The following BAIAP2 variants were observed in gnomAD, a reference collection of about 807,000 sequenced individuals.
BAIAP2 encodes the protein BAR/IMD domain-containing adapter protein 2.
BAIAP2 carries 18 observed loss-of-function variants against 63.0 expected under a neutral mutation model. The observed-to-expected ratio is 0.29, with a 90% CI of 0.20 to 0.42. The LOEUF is 0.42. Ranked by LOEUF, BAIAP2 falls within the 10% of genes least tolerant of loss-of-function variation. BAIAP2 has a pLI of 1.00. For synonymous variants in BAIAP2, 386 were observed against 307.6 expected, an observed-to-expected ratio of 1.25 and a Z score of -2.67; for missense variants, 610 against 734.3, an observed-to-expected ratio of 0.83 and a Z score of 1.96.
At chr17:81,097,981 G>A (rs2057918653) in intron 6 of BAIAP2, 1 of 609,142 alleles carries the variant, frequency 1.6e-6, no homozygotes, top group East Asian at 3.5e-5. Context: ...TCGGGCTGGG[G>A]TTCTGGAATC....
intron 6 of BAIAP2, among the ~76,000 whole-genome samples, chr17:81,098,887 T>A (rs1029778175): frequency 5.9e-5 from 9 of 152,214 alleles, no homozygotes; most frequent in African/African-American, 2.2e-4. Flanking sequence ...TACCTGTCTT[T>A]CCTGTGCCCA....
chr17:81,099,798 G>A (rs2145796675), intron 6 of BAIAP2, 130 bp from the exon 7 acceptor site: 5 of 1,068,326 alleles, frequency 4.7e-6, no homozygotes, highest in Non-Finnish European at 5.3e-6. Flanking sequence ...GGCCGCAGAT[G>A]CTGTTTTGTT....
intron 13 of BAIAP2, among the ~76,000 whole-genome samples, chr17:81,112,100 T>C (rs1203605578): frequency 6.6e-6 from 1 of 152,234 alleles, no homozygotes; most frequent in Non-Finnish European, 1.5e-5. Context: ...GCCACCACCT[T>C]GCCTTCCGCC....
intron 3 of BAIAP2, among the ~76,000 whole-genome samples, chr17:81,067,891 AG>A (rs1462355105): frequency 1.3e-5 from 2 of 152,212 alleles, no homozygotes; most frequent in East Asian, 3.9e-4. Context: ...TACTGTCACC[AG>A]TGCTCCCTAG....
chr17:81,097,757 G>A (rs923127365), intron 6 of BAIAP2: 1 of 198,724 alleles, frequency 5.0e-6, no homozygotes, highest in Non-Finnish European at 1.0e-5. Flanking sequence ...TCCTGGCAGA[G>A]GAGAAGCTGG....
In BAIAP2 at chr17:81,116,217, TCTC is replaced by T. The variant is rs760665871; in HGVS notation, c.*381_*383del. On this transcript the variant is annotated 3_prime_UTR_variant, in exon 14 of 14. Coordinates refer to ENST00000428708, the MANE Select transcript of BAIAP2 (RefSeq NM_001144888.2). The stretch of plus-strand genomic sequence containing the variant: ...GCTTCTCCTGCCTAATAAACAGGCT[TCTC>T]CTGCACCAGGTGTGATCTGTCCGCC... 5.0e-6 allele frequency: 8 copies of T among 1,611,654 alleles called. No homozygotes were observed. The highest frequency in any genetic ancestry group is 1.7e-4 in the Middle Eastern group (1 of 6,056).
intron 11 of BAIAP2, 56 bp downstream of exon 11, chr17:81,106,202 A>G (rs1226928090): frequency 2.0e-6 from 3 of 1,511,558 alleles, no homozygotes; most frequent in Admixed American, 2.0e-5. Flanking sequence ...AGGGGCTGTG[A>G]TGACACCAGG....
intron 6 of BAIAP2, among the ~76,000 whole-genome samples, chr17:81,096,020 G>A (rs2057558417): frequency 6.6e-6 from 1 of 152,152 alleles, no homozygotes; most frequent in African/African-American, 2.4e-5. Context: ...AGGGGCCTTA[G>A]TTTGGAAGGT....
At chr17:81,070,234 C>T (rs558647923) in intron 3 of BAIAP2, among the ~76,000 whole-genome samples, 3 of 152,286 alleles carry the variant, frequency 2.0e-5, no homozygotes, top group East Asian at 3.9e-4. Context: ...GCTGGGATTA[C>T]AGGCGCGAGC....
chr17:81,075,509 G>A (rs2053510933), intron 3 of BAIAP2, among the ~76,000 whole-genome samples: 1 of 152,204 alleles, frequency 6.6e-6, no homozygotes, highest in South Asian at 2.1e-4. Context: ...CTTCAGGGAT[G>A]AGCAGTTAAT....
intron 1 of BAIAP2, among the ~76,000 whole-genome samples, chr17:81,039,547 T>C (rs1598476239): frequency 6.6e-6 from 1 of 152,190 alleles, no homozygotes; most frequent in East Asian, 1.9e-4. Context: ...AGCCTTGCCT[T>C]GAGCAAGTAT....
chr17:81,061,017 G>C (rs1172570474), intron 3 of BAIAP2, among the ~76,000 whole-genome samples: 1 of 152,198 alleles, frequency 6.6e-6, no homozygotes, highest in East Asian at 1.9e-4. Context: ...CCAGCTACTA[G>C]GGAGGCTGAG....
chr17:81,071,292 G>A (rs916957727), intron 3 of BAIAP2, among the ~76,000 whole-genome samples: 2 of 152,152 alleles, frequency 1.3e-5, no homozygotes, highest in Admixed American at 1.3e-4. Context: ...CTGGTCCCCT[G>A]GCCCCTGTGG....
intron 3 of BAIAP2, among the ~76,000 whole-genome samples, chr17:81,074,590 C>G (rs576950586): frequency 7.4e-6 from 1 of 135,412 alleles, no homozygotes; most frequent in Non-Finnish European, 1.6e-5. Context: ...TGTGTGAGTG[C>G]CTGTGTGTGC....
intron 3 of BAIAP2, among the ~76,000 whole-genome samples, chr17:81,080,764 C>T (rs1021864481): frequency 1.3e-5 from 2 of 152,144 alleles, no homozygotes; most frequent in African/African-American, 2.4e-5. Flanking sequence ...TGCCTTTGCT[C>T]CCAGCTACTT....
intron 3 of BAIAP2, chr17:81,076,294 G>C (rs773433392): frequency 6.6e-6 from 1 of 152,290 alleles, no homozygotes; most frequent in Non-Finnish European, 1.5e-5. Context: ...GGAGATGGCA[G>C]ATGGACACCT....
intron 1 of BAIAP2, among the ~76,000 whole-genome samples, chr17:81,050,357 C>CCTGCCCGCTAT (rs1555655634): frequency 5.3e-5 from 8 of 152,116 alleles, no homozygotes; most frequent in African/African-American, 1.7e-4. Context: ...GTGGCTGTTC[C>CCTGCCCGCTAT]CTGCCCGCTG....
chr17:81,041,354 C>T (rs144976639), intron 1 of BAIAP2, among the ~76,000 whole-genome samples: 1 of 152,298 alleles, frequency 6.6e-6, no homozygotes, highest in East Asian at 1.9e-4. Context: ...GTGCTCTAGT[C>T]CTCACTCTGA....
At chr17:81,085,455 C>T (rs974917623) in intron 4 of BAIAP2, 199 bp from the exon 5 acceptor site, 1 of 695,618 alleles carries the variant, frequency 1.4e-6, no homozygotes, top group Non-Finnish European at 2.6e-6. Flanking sequence ...TTCCAGACTC[C>T]TGTTCAGCAC....
Sources: gnomAD v4.1 joint callset for allele counts (sites outside exome capture counted in the v4.1 genomes callset) on GRCh38, gnomAD v4.1.1 for gene constraint, MANE v1.5 for transcripts, NCBI Gene and HGNC (gene_info 2026-07-23, HGNC 2026-07-21) for gene names.